Variants in SCARB1 observed in about 807,000 individuals in gnomAD.
The protein encoded by SCARB1 is CD36 and LIMPII analogous 1.
SCARB1 carries 30 observed loss-of-function variants against 57.2 expected under a neutral mutation model. The observed-to-expected ratio is 0.52, with a 90% CI of 0.39 to 0.71. The LOEUF (loss-of-function observed/expected upper bound fraction) is 0.71. SCARB1 is among the 30% of genes least tolerant of loss of function. SCARB1 has a pLI of 0.00. For missense variants in SCARB1, 543 were observed against 671.2 expected (o/e 0.81, Z 2.11); for synonymous variants, 249 against 268.3 (o/e 0.93, Z 0.70).
At chr12:124,808,858 A>G (rs542206025) in intron 6 of SCARB1, among the ~76,000 whole-genome samples, 22 of 152,312 alleles carry the variant, frequency 1.4e-4, no homozygotes, top group African/African-American at 4.3e-4. Flanking sequence ...AACCTCATCA[A>G]TAACACTTGA....
At chr12:124,847,219 G>A (rs558933829) in intron 1 of SCARB1, among the ~76,000 whole-genome samples, 2 of 152,348 alleles carry the variant, frequency 1.3e-5, no homozygotes, top group South Asian at 4.1e-4. Flanking sequence ...AGGGGTTGCA[G>A]CAGGTGGAGT....
intron 1 of SCARB1, among the ~76,000 whole-genome samples, chr12:124,838,806 C>T (rs1220361816): frequency 7.7e-6 from 1 of 129,678 alleles, no homozygotes; most frequent in Non-Finnish European, 1.6e-5. Flanking sequence ...GATGGAGTCT[C>T]GGTCTGTCAC....
At chr12:124,785,907 T>C in intron 11 of SCARB1, 1 of 688,318 alleles carries the variant, frequency 1.5e-6, no homozygotes, top group Non-Finnish European at 2.4e-6. Flanking sequence ...ATGAGTGAAA[T>C]TATCTTTTCT....
rs751240623 is a variant in SCARB1, at chr12:124,817,019, CATGTGT to C, written c.284+525_284+530del. 8.6e-6 allele frequency among the ~76,000 whole-genome samples: 1 copy of C among 116,308 alleles called. No homozygotes were observed. The highest frequency in any genetic ancestry group is 8.7e-5 in the Admixed American group (1 of 11,438). The allele number at this position is 116,308 out of a possible 152,430, so 76.3% of individuals were successfully genotyped here. A position where few individuals can be genotyped will look rare whatever the true frequency, so the allele number is the denominator to read the frequency against. On this transcript the variant is annotated intron_variant, in intron 2 of 12. Coordinates refer to ENST00000261693, the MANE Select transcript of SCARB1 (RefSeq NM_005505.5). The surrounding 1 kb of genome is among the most constrained non-coding windows in gnomAD (Gnocchi z 4.8). ...GGGTCGGTCCCTGCTCCTGGTCATG[CATGTGT>C]GTGTGTGTGTGTGTGTGTGTGTGTA...
Position 124,829,353 on chromosome 12 carries a change from C to T in SCARB1, c.127-11646G>A, listed in dbSNP as rs886767433. ...CTGTTTTCCTGCCTCTGCTCTTGCC[C>T]CCCGCCCCGTTCTCCCCACAGAATC... On this transcript the variant is annotated intron_variant, in intron 1 of 12. Transcript: ENST00000261693. 3.3e-5 allele frequency among the ~76,000 whole-genome samples: 5 copies of T among 152,232 alleles called. No homozygotes were observed. In the South Asian group the frequency reaches 1.0e-3, roughly 32 times the overall value.
chr12:124,863,688 G>A lies in SCARB1; in HGVS notation c.33C>T (p.Ala11=), dbSNP rs747316663. The A allele has an allele frequency of 1.5e-5, 24 of 1,551,808 alleles. No homozygotes were observed. The African/African-American group carries it at 2.1e-4, about 14-fold the overall frequency. Residue 11 remains alanine (A), a synonymous_variant, in exon 1 of 13, where the codon GCC becomes GCT. Coordinates refer to ENST00000261693, the MANE Select transcript of SCARB1 (RefSeq NM_005505.5). MGCSAKARWA[A]GALGVAGLLC... ...GTAGCCCCGCGACGCCCAGCGCCCC[G>A]GCAGCCCAGCGCGCTTTGGCGGAGC...
chr12:124,785,856 G>A (rs191175060), intron 11 of SCARB1: 405 of 542,388 alleles, frequency 7.5e-4, no homozygotes, highest in African/African-American at 1.2e-3. Flanking sequence ...CGTGGCTCAC[G>A]CTGTATTTCT....
chr12:124,819,797 C>T (rs1170511103), intron 1 of SCARB1, among the ~76,000 whole-genome samples: 1 of 152,368 alleles, frequency 6.6e-6, no homozygotes, highest in African/African-American at 2.4e-5. Context: ...CCCCATGTCC[C>T]CCGGAAGGAG....
At chr12:124,825,054 C>G (rs1404557574) in intron 1 of SCARB1, among the ~76,000 whole-genome samples, 1 of 151,690 alleles carries the variant, frequency 6.6e-6, no homozygotes, top group Non-Finnish European at 1.5e-5. Context: ...GAAACCCTGT[C>G]TCTACTAACA....
chr12:124,821,501 C>G, intron 1 of SCARB1: 2 of 985,292 alleles, frequency 2.0e-6, no homozygotes, highest in Non-Finnish European at 2.4e-6. Flanking sequence ...CTCTCTCTCC[C>G]CAAAGAAGAG....
rs78623601 is a variant in SCARB1, at chr12:124,797,410, A to T, written c.1129-2142T>A. Among the ~76,000 whole-genome samples, 1,078 of 152,248 alleles carry T rather than the reference A, an allele frequency of 7.1e-3. 12 individuals are homozygous for T. The highest frequency in any genetic ancestry group is 0.012 in the Non-Finnish European group (786 of 68,006). On this transcript the variant is annotated intron_variant, in intron 8 of 12. Coordinates refer to ENST00000261693, the MANE Select transcript of SCARB1 (RefSeq NM_005505.5). ...AACACACGTTCGTTTTTCAAGGCTA[A>T]AGGCCAACAGGCAGCAAGCTGATCT...
At position 124,855,270 on chromosome 12, in the gene SCARB1, G is replaced by A. The variant is rs1270447185; in HGVS notation, c.126+8325C>T. 2.0e-5 allele frequency among the ~76,000 whole-genome samples: 3 copies of A among 152,162 alleles called. 1 individual carries two copies. The highest frequency in any genetic ancestry group is 2.0e-4 in the Admixed American group (3 of 15,268). On this transcript the variant is annotated intron_variant, in intron 1 of 12. Transcript: ENST00000261693. ...GTGAACAGGAAGAAACAGTGGAGTG[G>A]AGGGAAAGAAAACAAGAAAATTAAG...
intron 1 of SCARB1, among the ~76,000 whole-genome samples, chr12:124,844,611 A>T (rs564004244): frequency 9.9e-4 from 151 of 152,052 alleles, no homozygotes; most frequent in African/African-American, 3.4e-3. Context: ...TGACGCCCTT[A>T]AAAGAGGAGA....
intron 1 of SCARB1, among the ~76,000 whole-genome samples, chr12:124,849,380 C>T (rs1430203459): frequency 1.3e-5 from 2 of 152,212 alleles, no homozygotes; most frequent in Non-Finnish European, 2.9e-5. Flanking sequence ...CTTGGGTGGA[C>T]AAAGCCTGAA....
At chr12:124,795,133 G>T in intron 9 of SCARB1, 62 bp downstream of exon 9, 2 of 1,368,868 alleles carry the variant, frequency 1.5e-6, no homozygotes, top group South Asian at 1.2e-5. Flanking sequence ...TGGGACCACT[G>T]GAGCACTGAG....
intron 1 of SCARB1, among the ~76,000 whole-genome samples, chr12:124,840,324 C>A (rs887011133): frequency 3.9e-5 from 6 of 152,148 alleles, no homozygotes; most frequent in African/African-American, 1.4e-4. Flanking sequence ...CATACAGGCG[C>A]CTGCCACCAC....
chr12:124,814,831 C>A lies in SCARB1; in HGVS notation c.426+142G>T. 9.4e-7 allele frequency: 1 copy of A among 1,058,782 alleles called. No homozygotes were observed. The allele number at this position is 1,058,782 out of a possible 1,614,324, so 65.6% of individuals were successfully genotyped here. A position where few individuals can be genotyped will look rare whatever the true frequency, so the allele number is the denominator to read the frequency against. On this transcript the variant is annotated intron_variant, in intron 3 of 12. Coordinates refer to ENST00000261693, the MANE Select transcript of SCARB1 (RefSeq NM_005505.5). This position sits in a 1 kb window ranked among gnomAD's most constrained non-coding sequence, Gnocchi z 4.7. ...CCCACTGGGGGTGGTGGAGACAGCA[C>A]AGGGCCGAAAGCCACCCACCAGGCG...
At chr12:124,861,894 A>ACAC (rs60241644) in intron 1 of SCARB1, among the ~76,000 whole-genome samples, 1 of 150,530 alleles carries the variant, frequency 6.6e-6, no homozygotes, top group Non-Finnish European at 1.5e-5. Context: ...ACACACACAC[A>ACAC]TCCTACTGAC....
rs1461072121 is a variant in SCARB1, at chr12:124,814,984, T to C, written c.415A>G (p.Ile139Val). The change falls in exon 3 of 13, where the codon ATC becomes GTC. Residue 139 changes from isoleucine (I) to valine (V), a missense_variant. Transcript: ENST00000261693. The surrounding 1 kb of genome is among the most constrained non-coding windows in gnomAD (Gnocchi z 4.7). ...CAGGGCAGCCTCACCAAGACCAGGA[T>C]GTTGGGCATGACGATGTAGTCGCTC... ...SESDYIVMPN[I>V]LVLGAAVMME... is the part of the protein sequence containing the mutation. 1 of 1,613,908 alleles carries C rather than the reference T, an allele frequency of 6.2e-7. No homozygotes were observed. Among genetic ancestry groups the C allele is most frequent in the East Asian group, 2.2e-5 (1 of 44,856 alleles).
Sources: allele counts gnomAD v4.1 joint callset (sites outside exome capture counted in the v4.1 genomes callset), GRCh38; gene constraint gnomAD v4.1.1; non-coding constraint Gnocchi (gnomAD v3.1); transcripts MANE v1.5; gene names NCBI Gene and HGNC (gene_info 2026-07-23, HGNC 2026-07-21).